PTPRN2: variants seen among roughly 807,000 people sequenced by gnomAD.
The protein encoded by PTPRN2 is receptor-type tyrosine-protein phosphatase N2.
In PTPRN2, 74 loss-of-function variants were observed where a neutral mutation model predicts 118.8. The ratio of observed to expected loss-of-function variants is 0.62; its 90% confidence interval spans 0.52 to 0.76. The LOEUF (loss-of-function observed/expected upper bound fraction) is 0.76. PTPRN2 is among the 30% of genes least tolerant of loss of function. The probability of loss-of-function intolerance (pLI) is 0.00; values close to 1 mark genes in which losing one functional copy is unlikely to be tolerated. For missense variants in PTPRN2, 1,481 were observed against 1,394.4 expected (o/e 1.06, Z -0.99); for synonymous variants, 641 against 608.0 (o/e 1.05, Z -0.80).
chr7:157,800,456 G>A (rs978194336), intron 12 of PTPRN2, among the ~76,000 whole-genome samples: 2 of 152,106 alleles, frequency 1.3e-5, no homozygotes, highest in Non-Finnish European at 2.9e-5. Flanking sequence ...CCCTCAAAGC[G>A]ACTCAACGAC....
chr7:158,079,893 C>G (rs1429682371), intron 11 of PTPRN2, among the ~76,000 whole-genome samples: 2 of 152,218 alleles, frequency 1.3e-5, no homozygotes, highest in Non-Finnish European at 1.5e-5. Context: ...CGAGTTGTAC[C>G]CCAGCTCCAC....
chr7:158,054,594 G>T (rs1809637833), intron 11 of PTPRN2, among the ~76,000 whole-genome samples: 1 of 152,212 alleles, frequency 6.6e-6, no homozygotes, highest in South Asian at 2.1e-4. Flanking sequence ...CGCAGGTGCA[G>T]CCTCCTCTCC....
chr7:158,191,700 T>C (rs1825778602), intron 5 of PTPRN2, among the ~76,000 whole-genome samples: 1 of 152,020 alleles, frequency 6.6e-6, no homozygotes, highest in Admixed American at 6.5e-5. Context: ...GTGATGCGGG[T>C]CCTTGCAGCT....
chr7:158,055,100 T>G (rs569815969), intron 11 of PTPRN2, among the ~76,000 whole-genome samples: 30 of 152,378 alleles, frequency 2.0e-4, no homozygotes, highest in Non-Finnish European at 5.9e-5. Context: ...ATCATAGATA[T>G]GATTATATAT....
intron 11 of PTPRN2, among the ~76,000 whole-genome samples, chr7:158,055,909 G>A (rs148353505): frequency 5.6e-4 from 85 of 152,010 alleles, no homozygotes; most frequent in African/African-American, 1.8e-3. Context: ...ATGATCTCTC[G>A]TCTCCACACA....
At chr7:158,241,863 C>T (rs1444547039) in intron 3 of PTPRN2, among the ~76,000 whole-genome samples, 2 of 152,174 alleles carry the variant, frequency 1.3e-5, no homozygotes, top group African/African-American at 2.4e-5. Flanking sequence ...CTCGAATGTT[C>T]CCACAAAGTG....
chr7:157,590,034 T>G lies in PTPRN2; in HGVS notation c.2496+5204A>C, dbSNP rs2150553460. On this transcript the variant is annotated intron_variant, in intron 17 of 22. Transcript: ENST00000389418. The surrounding 1 kb of genome is among the most constrained non-coding windows in gnomAD (Gnocchi z 4.0). ...GTGTTTTGAATGTCAGCACCCTTTT[T>G]GAATTTATGATTGCAGAAGGAACAT... Among the ~76,000 whole-genome samples the G allele has an allele frequency of 6.6e-6, 1 of 152,366 alleles. No individual in the cohort carries two copies. The highest frequency in any genetic ancestry group is 6.5e-5 in the Admixed American group (1 of 15,308).
rs1382993116 is a variant in PTPRN2, at chr7:157,748,576, G to A, written c.1789-65639C>T. On this transcript the variant is annotated intron_variant, in intron 12 of 22. Transcript: ENST00000389418. ...TGAGGCCTGCGTCCCTGAGCTCTGGGGTGTCTGGGTGATTCTGAGGTCTGC... is the reference window on the plus strand; with the variant it reads ...TGAGGCCTGCGTCCCTGAGCTCTGGAGTGTCTGGGTGATTCTGAGGTCTGC... Among the ~76,000 whole-genome samples the A allele has an allele frequency of 2.9e-4, 43 of 148,854 alleles. 3 individuals are homozygous for A. The highest frequency in any genetic ancestry group is 6.1e-4 in the East Asian group (3 of 4,934).
At chr7:158,467,403 G>A (rs1454389103) in intron 2 of PTPRN2, among the ~76,000 whole-genome samples, 1 of 152,000 alleles carries the variant, frequency 6.6e-6, no homozygotes, top group African/African-American at 2.4e-5. Context: ...CCGCCCTGTA[G>A]GCTGCCTTTT....
Position 158,320,548 on chromosome 7 carries a change from TCGGCAGCGCCGGG to T in PTPRN2, c.164-3629_164-3617del, listed in dbSNP as rs1802922389. 5.6e-5 allele frequency among the ~76,000 whole-genome samples: 3 copies of T among 53,764 alleles called. No homozygotes were observed. The Admixed American group carries it at 5.7e-4, about 10-fold the overall frequency. 35.3% of individuals were successfully genotyped at this position (53,764 alleles called of 152,430 possible). Reference sequence around the variant, plus strand: ...AGGTGGCGTCCGTGTTCCCGCGTCCTCGGCAGCGCCGGGTGGCGTCCGTGTTCCCACGTCCTCG... The same window carrying T: ...AGGTGGCGTCCGTGTTCCCGCGTCCTTGGCGTCCGTGTTCCCACGTCCTCG... On this transcript the variant is annotated intron_variant, in intron 2 of 22. Transcript: ENST00000389418.
At position 158,546,489 on chromosome 7, in the gene PTPRN2, C is replaced by A. The variant is rs1388650463; in HGVS notation, c.112+41069G>T. 1.3e-5 allele frequency among the ~76,000 whole-genome samples: 2 copies of A among 152,204 alleles called. No individual in the cohort carries two copies. Among genetic ancestry groups the A allele is most frequent in the Non-Finnish European group, 2.9e-5 (2 of 68,032 alleles). ...CGGAGGCAAGCCCCAGTGTCCCAGG[C>A]GCCATGATGTCTAAGTGACTATAGG... On this transcript the variant is annotated intron_variant, in intron 1 of 22. Transcript: ENST00000389418. The surrounding 1 kb of genome is among the most constrained non-coding windows in gnomAD (Gnocchi z 5.0).
intron 14 of PTPRN2, among the ~76,000 whole-genome samples, chr7:157,652,419 G>T (rs934892904): frequency 6.6e-6 from 1 of 152,208 alleles, no homozygotes. Context: ...TCTGTCCTGG[G>T]ACACAGCACC....
intron 12 of PTPRN2, among the ~76,000 whole-genome samples, chr7:157,720,731 A>G (rs1799187355): frequency 6.6e-6 from 1 of 152,022 alleles, no homozygotes; most frequent in Non-Finnish European, 1.5e-5. Flanking sequence ...AGCGTGCCTC[A>G]CTCTTTATAA....
chr7:158,019,640 A>G (rs1806716318), intron 11 of PTPRN2, among the ~76,000 whole-genome samples: 1 of 152,228 alleles, frequency 6.6e-6, no homozygotes, highest in Non-Finnish European at 1.5e-5. Context: ...CCCATCATAG[A>G]CAAGACCTAT....
intron 2 of PTPRN2, among the ~76,000 whole-genome samples, chr7:158,336,345 C>T (rs1343134683): frequency 1.4e-5 from 2 of 146,142 alleles, no homozygotes; most frequent in East Asian, 2.1e-4. Flanking sequence ...GCAGACGTCA[C>T]TCACACCCAC....
At chr7:157,777,505 C>A (rs906011032) in intron 12 of PTPRN2, among the ~76,000 whole-genome samples, 1 of 152,178 alleles carries the variant, frequency 6.6e-6, no homozygotes, top group Admixed American at 6.5e-5. Context: ...CCGGAGGACA[C>A]GCAGTGCCCC....
rs1797595821 is a variant in PTPRN2, at chr7:157,903,645, T to TA, written c.1724-4909_1724-4908insT. ...GAATTAGTGTTTGGTTTTTTCTTTT[T>TA]CCTTTTTTTTTTTTATACTAAAAGG... is the stretch of plus-strand genomic sequence containing the variant. On this transcript the variant is annotated intron_variant, in intron 11 of 22. Coordinates refer to ENST00000389418, the MANE Select transcript of PTPRN2 (RefSeq NM_002847.5). The surrounding 1 kb of genome is among the most constrained non-coding windows in gnomAD (Gnocchi z 4.2). Among the ~76,000 whole-genome samples the TA allele has an allele frequency of 7.8e-6, 1 of 128,996 alleles. No individual in the cohort carries two copies. The highest frequency in any genetic ancestry group is 2.9e-5 in the African/African-American group (1 of 33,960). The allele number at this position is 128,996 out of a possible 152,430, so 84.6% of individuals were successfully genotyped here. A position where few individuals can be genotyped will look rare whatever the true frequency, so the allele number is the denominator to read the frequency against.
Position 157,560,799 on chromosome 7 carries a change from C to T in PTPRN2, c.2902+8103G>A, listed in dbSNP as rs1799149990. Among the ~76,000 whole-genome samples, 1 of 152,198 alleles carries T rather than the reference C, an allele frequency of 6.6e-6. No individual in the cohort carries two copies. Among genetic ancestry groups the T allele is most frequent in the South Asian group, 2.1e-4 (1 of 4,830 alleles). On this transcript the variant is annotated intron_variant, in intron 21 of 22. Coordinates refer to ENST00000389418, the MANE Select transcript of PTPRN2 (RefSeq NM_002847.5). This position sits in a 1 kb window ranked among gnomAD's most constrained non-coding sequence, Gnocchi z 6.7. ...GAGACAAGAGACACTGCGGGCCCAA[C>T]GTGTCTGTGAGGTCCCTTTCCCACT...
At chr7:157,790,888 A>G (rs1340666601) in intron 12 of PTPRN2, among the ~76,000 whole-genome samples, 2 of 152,206 alleles carry the variant, frequency 1.3e-5, no homozygotes, top group Admixed American at 1.3e-4. Context: ...AGTACATGAA[A>G]GACATTCCGT....
Sources: allele counts gnomAD v4.1 joint callset (sites outside exome capture counted in the v4.1 genomes callset), GRCh38; gene constraint gnomAD v4.1.1; non-coding constraint Gnocchi (gnomAD v3.1); transcripts MANE v1.5; gene names NCBI Gene and HGNC (gene_info 2026-07-23, HGNC 2026-07-21).